Variants in FRMD3 observed in about 807,000 individuals in gnomAD.
FRMD3 encodes FERM domain-containing protein 3.
Under a neutral mutation model 70.2 loss-of-function variants are expected in FRMD3, and 33 were observed. The ratio of observed to expected loss-of-function variants is 0.47; its 90% CI spans 0.36 to 0.63. FRMD3 has a LOEUF of 0.63. Among genes scored for constraint, FRMD3 ranks in the 20% least tolerant of loss-of-function variants. The pLI is 0.00. For synonymous variants in FRMD3, 279 were observed against 255.9 expected, an observed-to-expected ratio of 1.09 and a Z score of -0.86; for missense variants, 632 against 711.4, an observed-to-expected ratio of 0.89 and a Z score of 1.27.
intron 13 of FRMD3, among the ~76,000 whole-genome samples, chr9:83,274,669 G>T (rs1833737623): frequency 6.6e-6 from 1 of 152,190 alleles, no homozygotes; most frequent in African/African-American, 2.4e-5. Context: ...GGGAACTAAG[G>T]CTGGAGAGGA....
chr9:83,480,589 G>A (rs377427942), intron 1 of FRMD3, among the ~76,000 whole-genome samples: 47 of 150,654 alleles, frequency 3.1e-4, no homozygotes, highest in African/African-American at 9.8e-4. Context: ...TCCATCTCCC[G>A]GGTTCAAGTG....
chr9:83,530,656 C>T (rs892300925), intron 1 of FRMD3, among the ~76,000 whole-genome samples: 1 of 152,142 alleles, frequency 6.6e-6, no homozygotes, highest in Admixed American at 6.5e-5. Flanking sequence ...CTCAATAAAA[C>T]TGTTATCCAA....
At chr9:83,451,663 G>C (rs1354470885) in intron 1 of FRMD3, among the ~76,000 whole-genome samples, 1 of 152,144 alleles carries the variant, frequency 6.6e-6, no homozygotes, top group Non-Finnish European at 1.5e-5. Flanking sequence ...AGTGAAGTGG[G>C]AGCTGTCAGG....
At chr9:83,528,296 G>GAT (rs1829725294) in intron 1 of FRMD3, among the ~76,000 whole-genome samples, 2 of 149,124 alleles carry the variant, frequency 1.3e-5, no homozygotes, top group Non-Finnish European at 3.0e-5. Context: ...TATAAACGCA[G>GAT]ACACACACAC....
Position 83,311,977 on chromosome 9 carries a change from TGA to T in FRMD3, c.685-4_685-3del. 1.3e-6 allele frequency: 2 copies of T among 1,504,790 alleles called. No individual in the cohort carries two copies. Among genetic ancestry groups the T allele is most frequent in the East Asian group, 2.4e-5 (1 of 41,026 alleles). The allele number at this position is 1,504,790 out of a possible 1,614,324, so 93.2% of individuals were successfully genotyped here. On this transcript the variant is annotated splice_region_variant and splice_polypyrimidine_tract_variant and intron_variant, in intron 7 of 13. Transcript: ENST00000304195. ...AAATGTTGTTGTGCCTGTTGAATCCTGAAAAAAAAAAAAAAGAAAAAAGAAAA... is the reference window on the plus strand; with the variant it reads ...AAATGTTGTTGTGCCTGTTGAATCCTAAAAAAAAAAAAAGAAAAAAGAAAA...
chr9:83,313,539 G>A (rs1835444229), intron 7 of FRMD3, 121 bp downstream of exon 7: 1 of 748,786 alleles, frequency 1.3e-6, no homozygotes, highest in African/African-American at 1.7e-5. Context: ...CCCTTCCAAT[G>A]AGGGACCGTG....
intron 1 of FRMD3, among the ~76,000 whole-genome samples, chr9:83,473,357 C>T (rs898607240): frequency 3.3e-5 from 5 of 152,162 alleles, no homozygotes; most frequent in Non-Finnish European, 4.4e-5. Flanking sequence ...CACATGACTC[C>T]GGTCCAGTCC....
At chr9:83,316,553 A>G (rs1157117876) in intron 6 of FRMD3, among the ~76,000 whole-genome samples, 1 of 152,196 alleles carries the variant, frequency 6.6e-6, no homozygotes, top group Non-Finnish European at 1.5e-5. Flanking sequence ...AATAAAGTCT[A>G]AAGCTTTTCA....
chr9:83,467,718 T>C (rs1828167319), intron 1 of FRMD3: 1 of 1,532,824 alleles, frequency 6.5e-7, no homozygotes, highest in Middle Eastern at 1.7e-4. Context: ...CCATCTCGTC[T>C]TCTGTCTCTG....
chr9:83,248,384 G>C lies in FRMD3; in HGVS notation c.1328C>G (p.Ser443Cys). Residue 443 changes from serine (S) to cysteine (C), a missense_variant, in exon 14 of 14, where the codon TCT (serine) becomes TGT (cysteine). Ser to Cys is a moderately radical substitution (Grantham distance 112, BLOSUM62 -1). Transcript: ENST00000304195. ...GGCACTTGGGTTGTACACTAGTTCA[G>C]AGATGGTTAAAGGTTCTTCTTTTAT... ...DKIKEEPLTI[S>C]ELVYNPSASL... The C allele has an allele frequency of 1.2e-6, 2 of 1,614,158 alleles. No individual in the cohort carries two copies. Among genetic ancestry groups the C allele is most frequent in the South Asian group, 2.2e-5 (2 of 91,082 alleles).
intron 1 of FRMD3, among the ~76,000 whole-genome samples, chr9:83,507,716 A>ATC (rs1829228559): frequency 9.4e-6 from 1 of 105,838 alleles, no homozygotes; most frequent in Non-Finnish European, 1.9e-5. Context: ...ATATATATAT[A>ATC]TATATATATA....
At chr9:83,248,599 A>C (rs1414675651) in intron 13 of FRMD3, 83 bp from the exon 14 acceptor site, 2 of 1,373,528 alleles carry the variant, frequency 1.5e-6, no homozygotes, top group Non-Finnish European at 1.9e-6. Context: ...AAAAACAAAA[A>C]ACTAATGGGA....
chr9:83,397,415 G>A (rs754670327), intron 1 of FRMD3, among the ~76,000 whole-genome samples: 2 of 152,164 alleles, frequency 1.3e-5, no homozygotes, highest in Non-Finnish European at 2.9e-5. Context: ...CATCCTCAGC[G>A]GACACAGCTT....
chr9:83,286,458 A>G (rs184989009), intron 13 of FRMD3, among the ~76,000 whole-genome samples: 54 of 152,192 alleles, frequency 3.5e-4, no homozygotes, highest in African/African-American at 1.3e-3. Context: ...CAGCCTCCCA[A>G]GTAGCTGAGA....
intron 1 of FRMD3, among the ~76,000 whole-genome samples, chr9:83,405,687 T>C (rs930392429): frequency 6.6e-6 from 1 of 151,826 alleles, no homozygotes; most frequent in Admixed American, 6.6e-5. Flanking sequence ...GGAGAATTGC[T>C]TGAACCCGAT....
At position 83,538,201 on chromosome 9, in the gene FRMD3, C is replaced by T. The variant is rs1829944052; in HGVS notation, c.31G>A (p.Gly11Ser). The T allele has an allele frequency of 1.3e-6, 2 of 1,595,140 alleles. No individual in the cohort carries two copies. The highest frequency in any genetic ancestry group is 1.7e-6 in the Non-Finnish European group (2 of 1,169,884). MFASCHCVPR[G>S]RRTMKMIHFR... ...TGGATCATTTTCATGGTCCTCCTGC[C>T]TCTCGGCACACAGTGGCAGGAGGCG... The change falls in exon 1 of 14, where the codon GGC becomes AGC. Residue 11 changes from glycine (G) to serine (S), a missense_variant. Gly to Ser is a moderately conservative substitution (Grantham distance 56, BLOSUM62 0). This residue lies in a region of FRMD3 where 208 missense variants were observed against 247.7 expected (regional missense o/e 0.84). Transcript: ENST00000304195. The surrounding 1 kb of genome is among the most constrained non-coding windows in gnomAD (Gnocchi z 4.7).
intron 11 of FRMD3, 120 bp from the exon 12 acceptor site, chr9:83,298,936 G>A: frequency 9.1e-7 from 1 of 1,097,840 alleles, no homozygotes; most frequent in Admixed American, 1.9e-5. Context: ...AATCATGAGG[G>A]GGAAAATTAC....
intron 6 of FRMD3, among the ~76,000 whole-genome samples, chr9:83,319,742 A>G (rs983553363): frequency 5.9e-5 from 9 of 152,118 alleles, no homozygotes; most frequent in Non-Finnish European, 1.0e-4. Flanking sequence ...TTGATAGTGA[A>G]TGGGTCACAT....
downstream of FRMD3, chr9:83,243,311 C>T: frequency 7.9e-7 from 1 of 1,264,554 alleles, no homozygotes; most frequent in Non-Finnish European, 1.1e-6. Context: ...ACATTGTCTC[C>T]ACCCTGTAGA....
Sources: allele counts gnomAD v4.1 joint callset (sites outside exome capture counted in the v4.1 genomes callset), GRCh38; gene constraint gnomAD v4.1.1; regional missense constraint gnomAD v4.1.1; non-coding constraint Gnocchi (gnomAD v3.1); transcripts MANE v1.5; gene names NCBI Gene and HGNC (gene_info 2026-07-23, HGNC 2026-07-21).